The following WDR47 variants were observed in gnomAD, a reference collection of about 807,000 sequenced individuals.
The protein encoded by WDR47 is WD repeat-containing protein 47.
In WDR47, 32 loss-of-function variants were observed where a neutral mutation model predicts 97.2. The ratio of observed to expected loss-of-function variants is 0.33; its 90% CI spans 0.25 to 0.44. The LOEUF is 0.44. Ranked by LOEUF, WDR47 falls within the 20% of genes least tolerant of loss-of-function variation. WDR47 has a pLI of 1.00. For synonymous variants in WDR47, 375 were observed against 373.5 expected, an observed-to-expected ratio of 1.00 and a Z score of -0.05; for missense variants, 782 against 1,102.3, an observed-to-expected ratio of 0.71 and a Z score of 4.11.
At chr1:108,980,693 C>A (rs1658271699) in intron 13 of WDR47, among the ~76,000 whole-genome samples, 1 of 152,080 alleles carries the variant, frequency 6.6e-6, no homozygotes, top group South Asian at 2.1e-4. Flanking sequence ...TGTGCCACTG[C>A]ACTCCAGCCT....
rs75255400 is a variant in WDR47 at position 109,022,241 on chromosome 1, T to C, written c.158+1114A>G. 9.5e-3 allele frequency among the ~76,000 whole-genome samples: 1,446 copies of C among 152,236 alleles called. 19 individuals are homozygous for C. Among genetic ancestry groups the C allele is most frequent in the African/African-American group, 0.032 (1,319 of 41,538 alleles). The stretch of plus-strand genomic sequence containing the variant: ...ATTCTAAATCATAAACACAACAGAA[T>C]TGTTATTTTTAATAGATGCAAAAAA... On this transcript the variant is annotated intron_variant, in intron 2 of 14. Coordinates refer to ENST00000369962, the MANE Select transcript of WDR47 (RefSeq NM_001142551.2).
At chr1:108,972,760 A>T (rs1278715311) in intron 14 of WDR47, among the ~76,000 whole-genome samples, 1 of 152,190 alleles carries the variant, frequency 6.6e-6, no homozygotes, top group Non-Finnish European at 1.5e-5. Flanking sequence ...ATCAAGGCTA[A>T]CATGGTGAAA....
intron 4 of WDR47, 130 bp from the exon 5 acceptor site, chr1:109,011,848 G>A (rs1201634412): frequency 2.4e-6 from 2 of 821,264 alleles, no homozygotes; most frequent in African/African-American, 1.7e-5. Context: ...ATATGCAACA[G>A]CTTTCAAGAT....
chr1:109,017,558 T>C lies in WDR47; in HGVS notation c.202A>G (p.Ile68Val). 3.7e-6 allele frequency: 6 copies of C among 1,612,778 alleles called. No individual in the cohort carries two copies. Among genetic ancestry groups the C allele is most frequent in the Non-Finnish European group, 5.1e-6 (6 of 1,179,760 alleles). The change falls in exon 3 of 15, where the codon ATT becomes GTT. Residue 68 changes from isoleucine to valine, a missense_variant. By Grantham distance (29) the Ile-to-Val change is conservative. Coordinates refer to ENST00000369962, the MANE Select transcript of WDR47 (RefSeq NM_001142551.2). ...DGQWDEVLQF[I>V]QPLECMEKFD... ...TTTTCCATACATTCTAGAGGCTGAA[T>C]GAACTGAAGAACTTCATCCCATTGA...
chr1:109,028,732 T>G (rs1426939682), intron 1 of WDR47, among the ~76,000 whole-genome samples: 1 of 152,134 alleles, frequency 6.6e-6, no homozygotes, highest in African/African-American at 2.4e-5. Flanking sequence ...ATTACAGGCA[T>G]GAGCCACCGT....
rs139475769 is a variant in WDR47 at position 108,981,439 on chromosome 1, T to A, written c.2398+294A>T. Among the ~76,000 whole-genome samples the A allele has an allele frequency of 2.8e-3, 431 of 152,286 alleles. 4 individuals carry two copies. Among genetic ancestry groups the A allele is most frequent in the African/African-American group, 1.0e-2 (414 of 41,570 alleles). On this transcript the variant is annotated intron_variant, in intron 13 of 14. Transcript: ENST00000369962. ...TTTTGTTCAATTTCACTTTTTGCCA[T>A]GTGCATGCATTTTAAAAAATGTTTC...
In WDR47 at chr1:109,004,669, C is replaced by T; in HGVS notation, c.1177G>A (p.Gly393Ser). The T allele has an allele frequency of 6.2e-7, 1 of 1,613,402 alleles. No homozygotes were observed. Among genetic ancestry groups the T allele is most frequent in the Non-Finnish European group, 8.5e-7 (1 of 1,179,692 alleles). The change falls in exon 6 of 15, where the codon GGC becomes AGC. Residue 393 changes from glycine (G) to serine (S), a missense_variant. Coordinates refer to ENST00000369962, the MANE Select transcript of WDR47 (RefSeq NM_001142551.2). ...TCTTTTTCTGAAACTGAACTCTGGC[C>T]CAAGATTTCACTGCCGATAGGCCTC... ...AQRPIGSEIL[G>S]QSSVSEKEPA... is the part of the protein sequence containing the mutation.
At chr1:109,007,221 C>CAAAAAA (rs542534921) in intron 5 of WDR47, among the ~76,000 whole-genome samples, 3 of 92,028 alleles carry the variant, frequency 3.3e-5, no homozygotes, top group Admixed American at 1.2e-4. Context: ...AATGTATACT[C>CAAAAAA]AAAAAAAAAA....
At chr1:108,990,197 A>G (rs1029748035) in intron 9 of WDR47, among the ~76,000 whole-genome samples, 1 of 151,980 alleles carries the variant, frequency 6.6e-6, no homozygotes, top group East Asian at 2.0e-4. Context: ...CCATGTCTCT[A>G]TTAATATATA....
chr1:109,015,292 A>G (rs764489529), intron 3 of WDR47, among the ~76,000 whole-genome samples: 6 of 152,186 alleles, frequency 3.9e-5, no homozygotes, highest in Admixed American at 2.6e-4. Flanking sequence ...TACATAAAAT[A>G]CCAAAAAAAG....
intron 7 of WDR47, among the ~76,000 whole-genome samples, chr1:109,001,330 A>G (rs1176118526): frequency 6.6e-6 from 1 of 152,178 alleles, no homozygotes; most frequent in East Asian, 1.9e-4. Context: ...AAATAAAATA[A>G]TAAAAAATAA....
chr1:109,032,549 A>G (rs1196070989), intron 1 of WDR47, among the ~76,000 whole-genome samples: 1 of 90,046 alleles, frequency 1.1e-5, no homozygotes, highest in Non-Finnish European at 2.6e-5. Flanking sequence ...TGCTCAATTA[A>G]GTCATGTAAT....
intron 13 of WDR47, among the ~76,000 whole-genome samples, chr1:108,977,417 G>T (rs1657995538): frequency 6.6e-6 from 1 of 151,642 alleles, no homozygotes. Context: ...GCCTCCCAAA[G>T]TGCTGGAATT....
At chr1:108,993,049 G>T (rs907603979) in intron 8 of WDR47, among the ~76,000 whole-genome samples, 5 of 152,108 alleles carry the variant, frequency 3.3e-5, no homozygotes, top group African/African-American at 7.2e-5. Flanking sequence ...GACTATCAGG[G>T]AAGAGAAGAA....
intron 9 of WDR47, among the ~76,000 whole-genome samples, chr1:108,989,576 A>G (rs1403850260): frequency 1.3e-5 from 2 of 152,240 alleles, no homozygotes; most frequent in African/African-American, 4.8e-5. Context: ...GGGGTAGATA[A>G]GAGAAAAAGG....
chr1:108,977,429 C>T (rs961736053), intron 13 of WDR47, among the ~76,000 whole-genome samples: 1 of 151,382 alleles, frequency 6.6e-6, no homozygotes, highest in South Asian at 2.2e-4. Context: ...GCTGGAATTA[C>T]AGGTATGAGC....
chr1:108,977,998 AAAAG>A (rs1658052759), intron 13 of WDR47, among the ~76,000 whole-genome samples: 1 of 151,912 alleles, frequency 6.6e-6, no homozygotes, highest in Non-Finnish European at 1.5e-5. Context: ...AAAAAAAAAA[AAAAG>A]AACTCTTTTT....
intron 8 of WDR47, among the ~76,000 whole-genome samples, chr1:108,994,114 G>A (rs1029122182): frequency 1.3e-5 from 2 of 152,132 alleles, no homozygotes; most frequent in Non-Finnish European, 2.9e-5. Context: ...AACAGTAATA[G>A]AGGCCGGGTG....
chr1:108,973,679 C>T (rs1385429421), intron 14 of WDR47, among the ~76,000 whole-genome samples: 1 of 151,786 alleles, frequency 6.6e-6, no homozygotes, highest in Non-Finnish European at 1.5e-5. Context: ...GCCTGGAATT[C>T]AAAACCAGCC....
Sources: allele counts gnomAD v4.1 joint callset (sites outside exome capture counted in the v4.1 genomes callset), GRCh38; gene constraint gnomAD v4.1.1; transcripts MANE v1.5; gene names NCBI Gene and HGNC (gene_info 2026-07-23, HGNC 2026-07-21).